CPNE4: variants seen among roughly 807,000 people sequenced by gnomAD.
The protein encoded by CPNE4 is copine 4.
CPNE4 carries 25 observed loss-of-function variants against 67.9 expected under a neutral mutation model. The observed-to-expected ratio is 0.37, with a 90% CI of 0.27 to 0.51. The LOEUF is 0.51. Ranked by LOEUF, CPNE4 falls within the 20% of genes least tolerant of loss-of-function variation. The pLI is 0.93. For missense variants in CPNE4, 464 were observed against 690.8 expected, an observed-to-expected ratio of 0.67 and a Z score of 3.68; for synonymous variants, 242 against 244.9, an observed-to-expected ratio of 0.99 and a Z score of 0.11.
intron 1 of CPNE4, among the ~76,000 whole-genome samples, chr3:131,965,849 T>C (rs1007365818): frequency 6.6e-6 from 1 of 152,206 alleles, no homozygotes; most frequent in African/African-American, 2.4e-5. Flanking sequence ...ATTCGGGATT[T>C]GAACTCAGCT....
At chr3:131,576,354 G>A (rs556211442) in intron 9 of CPNE4, among the ~76,000 whole-genome samples, 1 of 152,188 alleles carries the variant, frequency 6.6e-6, no homozygotes, top group South Asian at 2.1e-4. Flanking sequence ...ACTTGAAAGT[G>A]AGCAAAATAA....
At chr3:131,746,428 C>G in intron 2 of CPNE4, among the ~76,000 whole-genome samples, 1 of 152,078 alleles carries the variant, frequency 6.6e-6, no homozygotes, top group East Asian at 1.9e-4. Context: ...GGCCTTCTCT[C>G]CCCTCTTCTC....
At chr3:131,649,135 C>A (rs2079742784) in intron 7 of CPNE4, among the ~76,000 whole-genome samples, 1 of 152,194 alleles carries the variant, frequency 6.6e-6, no homozygotes, top group African/African-American at 2.4e-5. Context: ...GCTTTTGGTA[C>A]TTTGTTCCAC....
At chr3:131,703,889 G>A (rs892100171) in intron 3 of CPNE4, among the ~76,000 whole-genome samples, 2 of 152,232 alleles carry the variant, frequency 1.3e-5, no homozygotes, top group Middle Eastern at 3.4e-3. Context: ...CCCAAAACAT[G>A]CATTATAGAA....
chr3:131,778,718 C>T (rs139330359), intron 2 of CPNE4, among the ~76,000 whole-genome samples: 1 of 152,170 alleles, frequency 6.6e-6, no homozygotes, highest in East Asian at 1.9e-4. Context: ...TCCTGTCTTA[C>T]CTTTTCTCTC....
In CPNE4 at chr3:131,737,115, C is replaced by CTTTTTTTTTTTTTTTTTTTTT. The variant is rs71788145; in HGVS notation, c.181-13511_181-13491dup. Among the ~76,000 whole-genome samples, 117 of 49,404 alleles carry CTTTTTTTTTTTTTTTTTTTTT rather than the reference C, an allele frequency of 2.4e-3. 22 individuals carry two copies. The highest frequency in any genetic ancestry group is 5.2e-3 in the East Asian group (6 of 1,156). 32.4% of individuals were successfully genotyped at this position (49,404 alleles called of 152,430 possible). On this transcript the variant is annotated intron_variant, in intron 2 of 15. Transcript: ENST00000429747. ...TGCCTCTTTTTATGAAGTATTGTGTCTTTTTTTTTTTTTTTTTTTTTTTTT... is the reference window on the plus strand; with the variant it reads ...TGCCTCTTTTTATGAAGTATTGTGTCTTTTTTTTTTTTTTTTTTTTTTTTTTTTTTTTTTTTTTTTTTTTTT...
At chr3:132,009,879 G>T (rs1334418502) in intron 1 of CPNE4, among the ~76,000 whole-genome samples, 1 of 152,210 alleles carries the variant, frequency 6.6e-6, no homozygotes, top group Non-Finnish European at 1.5e-5. Flanking sequence ...GTAAAGGTCA[G>T]GGATGCTACT....
intron 2 of CPNE4, among the ~76,000 whole-genome samples, chr3:131,813,728 G>A (rs2084624907): frequency 6.6e-6 from 1 of 152,100 alleles, no homozygotes; most frequent in Non-Finnish European, 1.5e-5. Flanking sequence ...ATGGCAGCCA[G>A]CTGAAGGAGT....
intron 2 of CPNE4, among the ~76,000 whole-genome samples, chr3:131,902,796 T>C (rs1349574151): frequency 2.6e-5 from 4 of 152,102 alleles, no homozygotes; most frequent in Admixed American, 6.6e-5. Context: ...TTTTTTATAA[T>C]GTAGGCATTC....
intron 2 of CPNE4, among the ~76,000 whole-genome samples, chr3:131,818,292 T>C (rs1009538807): frequency 2.6e-5 from 4 of 152,084 alleles, no homozygotes; most frequent in Non-Finnish European, 4.4e-5. Context: ...CAGGGAAAAA[T>C]AGAAGCTTCA....
intron 2 of CPNE4, among the ~76,000 whole-genome samples, chr3:131,788,959 A>T (rs1350819620): frequency 6.6e-6 from 1 of 151,434 alleles, no homozygotes; most frequent in African/African-American, 2.4e-5. Context: ...TATTCTTAAA[A>T]TTTTCACACT....
At chr3:131,559,411 A>G (rs1344163865) in intron 11 of CPNE4, among the ~76,000 whole-genome samples, 1 of 152,006 alleles carries the variant, frequency 6.6e-6, no homozygotes, top group Non-Finnish European at 1.5e-5. Flanking sequence ...CCACAGGTCT[A>G]TAAACAAATT....
intron 1 of CPNE4, among the ~76,000 whole-genome samples, chr3:131,962,820 A>T (rs2072223604): frequency 6.6e-6 from 1 of 152,170 alleles, no homozygotes; most frequent in Admixed American, 6.5e-5. Flanking sequence ...ATTCAAAAAA[A>T]AAATGTTGTT....
chr3:131,635,333 A>T (rs2107785337), intron 7 of CPNE4, among the ~76,000 whole-genome samples: 1 of 152,340 alleles, frequency 6.6e-6, no homozygotes, highest in Middle Eastern at 3.4e-3. Flanking sequence ...ACTAATGTTT[A>T]AAAAGACTAT....
chr3:131,936,781 C>A (rs1319107366), intron 1 of CPNE4, among the ~76,000 whole-genome samples: 2 of 151,522 alleles, frequency 1.3e-5, no homozygotes, highest in African/African-American at 4.8e-5. Context: ...CTAAGGAAGA[C>A]AATGAGCACA....
chr3:131,934,520 C>T (rs979658643), intron 1 of CPNE4, among the ~76,000 whole-genome samples: 1 of 152,086 alleles, frequency 6.6e-6, no homozygotes, highest in African/African-American at 2.4e-5. Flanking sequence ...CCCACCAACC[C>T]ATCATCTACA....
intron 1 of CPNE4, among the ~76,000 whole-genome samples, chr3:131,999,387 A>T (rs1249110211): frequency 6.6e-6 from 1 of 152,182 alleles, no homozygotes; most frequent in Admixed American, 6.6e-5. Flanking sequence ...AATTCAAAGG[A>T]ATAAGCATGC....
chr3:131,950,484 G>A (rs1225018), intron 1 of CPNE4, among the ~76,000 whole-genome samples: 104,858 of 152,068 alleles, frequency 0.69, 36,534 homozygotes, highest in Admixed American at 0.8. Context: ...ATGAAAAATG[G>A]GAGAAGAAGG....
At chr3:131,830,231 T>A (rs1434563716) in intron 2 of CPNE4, among the ~76,000 whole-genome samples, 1 of 152,172 alleles carries the variant, frequency 6.6e-6, no homozygotes, top group Non-Finnish European at 1.5e-5. Context: ...AAATTGTTTA[T>A]CTATAAAATA....
Sources: gnomAD v4.1 joint callset for allele counts (sites outside exome capture counted in the v4.1 genomes callset) on GRCh38, gnomAD v4.1.1 for gene constraint, MANE v1.5 for transcripts, NCBI Gene and HGNC (gene_info 2026-07-23, HGNC 2026-07-21) for gene names.